The following POU3F3 variants were observed in gnomAD, a reference collection of about 807,000 sequenced individuals.
POU3F3 encodes POU domain, class 3, transcription factor 3.
POU3F3 carries 1 observed loss-of-function variant against 8.6 expected under a neutral mutation model. The observed-to-expected ratio is 0.12, with a 90% CI of 0.04 to 0.55. The LOEUF (loss-of-function observed/expected upper bound fraction) is 0.55, where lower values mean the gene tolerates loss of function less well. Ranked by LOEUF, POU3F3 falls within the 20% of genes least tolerant of loss-of-function variation. POU3F3 has a pLI of 0.91. For synonymous variants in POU3F3, 418 were observed against 327.4 expected (o/e 1.28, Z -2.99); for missense variants, 577 against 690.7 (o/e 0.84, Z 1.84).
chr2:104,890,660 G>A, the POU3F3 span, among the ~76,000 whole-genome samples: 14 of 152,148 alleles, frequency 9.2e-5, no homozygotes, highest in African/African-American at 3.4e-4. Flanking sequence ...CAGTTAAGGT[G>A]GGAGGTGAGG....
chr2:104,888,418 A>G, the POU3F3 span, among the ~76,000 whole-genome samples: 51 of 152,300 alleles, frequency 3.3e-4, no homozygotes, highest in African/African-American at 9.4e-4. Flanking sequence ...AGAGTTTGCC[A>G]TCTCCTCGTT....
chr2:104,908,014 AAGTC>A, the POU3F3 span, among the ~76,000 whole-genome samples: 1 of 152,192 alleles, frequency 6.6e-6, no homozygotes, highest in Non-Finnish European at 1.5e-5. Flanking sequence ...AGGTTTCTAA[AAGTC>A]AGGATTGGAT....
chr2:104,909,993 A>T, the POU3F3 span, among the ~76,000 whole-genome samples: 1 of 152,196 alleles, frequency 6.6e-6, no homozygotes, highest in African/African-American at 2.4e-5. Context: ...ATTGGACATT[A>T]CATAAACAAG....
At chr2:104,866,839 T>G in the POU3F3 span, 1 of 152,260 alleles carries the variant, frequency 6.6e-6, no homozygotes, top group African/African-American at 2.4e-5. Flanking sequence ...TGCCTAGAGC[T>G]GCACGTTGGC....
the POU3F3 span, among the ~76,000 whole-genome samples, chr2:104,873,251 C>G: frequency 6.6e-6 from 1 of 152,190 alleles, no homozygotes; most frequent in East Asian, 1.9e-4. Flanking sequence ...ACCCGCACGT[C>G]CGGGACCCCT....
the POU3F3 span, among the ~76,000 whole-genome samples, chr2:104,891,039 G>A: frequency 0.015 from 2,248 of 152,268 alleles, 31 homozygotes; most frequent in Non-Finnish European, 0.023. Flanking sequence ...TCACTTATCT[G>A]AACCTTGAGG....
At chr2:104,884,922 A>G in the POU3F3 span, among the ~76,000 whole-genome samples, 215 of 152,294 alleles carry the variant, frequency 1.4e-3, no homozygotes, top group African/African-American at 5.0e-3. Context: ...AAACAGAGCC[A>G]CTTAAAGGTG....
the POU3F3 span, among the ~76,000 whole-genome samples, chr2:104,870,382 T>G: frequency 6.6e-6 from 1 of 152,334 alleles, no homozygotes; most frequent in East Asian, 1.9e-4. Flanking sequence ...TTTTCGCTGC[T>G]TAGCAGAGGA....
In POU3F3 at chr2:104,855,493, T is replaced by A; in HGVS notation, c.-18T>A. 1.3e-6 allele frequency: 1 copy of A among 781,408 alleles called. No individual in the cohort carries two copies. The highest frequency in any genetic ancestry group is 1.5e-6 in the Non-Finnish European group (1 of 675,198). The allele number at this position is 781,408 out of a possible 1,614,324, so 48.4% of individuals were successfully genotyped here. ...GGCGGCGGTGGTGGCGGCGGTGGGG[T>A]GGCGGGAGCGGAGCGGCATGGCCAC... On this transcript the variant is annotated 5_prime_UTR_variant, in exon 1 of 1. Transcript: ENST00000361360.
chr2:104,911,870 A>G, the POU3F3 span, among the ~76,000 whole-genome samples: 1 of 152,154 alleles, frequency 6.6e-6, no homozygotes, highest in Non-Finnish European at 1.5e-5. Flanking sequence ...GCTGTAAGTG[A>G]CACAGAAAAG....
At chr2:104,868,081 A>T in the POU3F3 span, 7 of 359,974 alleles carry the variant, frequency 1.9e-5, no homozygotes, top group Admixed American at 3.7e-5. Context: ...GAAGAGTTGA[A>T]ATCAACGCAG....
chr2:104,918,754 T>G, the POU3F3 span, among the ~76,000 whole-genome samples: 1 of 152,016 alleles, frequency 6.6e-6, no homozygotes, highest in Admixed American at 6.5e-5. Flanking sequence ...CTAAGCCACA[T>G]AGTTTGTGGC....
At position 104,855,605 on chromosome 2, in the gene POU3F3, G is replaced by A; in HGVS notation, c.95G>A (p.Gly32Asp). 1.0e-6 allele frequency: 1 copy of A among 972,858 alleles called. No homozygotes were observed. The highest frequency in any genetic ancestry group is 1.2e-6 in the Non-Finnish European group (1 of 824,682). The allele number at this position is 972,858 out of a possible 1,614,324, so 60.3% of individuals were successfully genotyped here. ...VHSDAAGAGG[G>D]GGGGGGGGGG... is the part of the protein sequence containing the mutation. ...TCGGACGCGGCAGGGGCTGGCGGCGGCGGGGGTGGCGGCGGCGGCGGCGGC... is the reference window on the plus strand; with the variant it reads ...TCGGACGCGGCAGGGGCTGGCGGCGACGGGGGTGGCGGCGGCGGCGGCGGC... The change falls in exon 1 of 1, where the codon GGC (glycine) becomes GAC (aspartate). Residue 32 changes from glycine to aspartate, a missense_variant. This residue lies in a region of POU3F3 where 484 missense variants were observed against 422.6 expected (regional missense o/e 1.15). Coordinates refer to ENST00000361360, the MANE Select transcript of POU3F3 (RefSeq NM_006236.3).
chr2:104,874,507 G>A, the POU3F3 span, among the ~76,000 whole-genome samples: 1 of 152,206 alleles, frequency 6.6e-6, no homozygotes, highest in African/African-American at 2.4e-5. Context: ...AGGAGAAGGA[G>A]GAGAGGTGCC....
At position 104,855,725 on chromosome 2, in the gene POU3F3, T is replaced by C. The variant is rs1676546650; in HGVS notation, c.215T>C (p.Met72Thr). The part of the protein sequence containing the change: ...AYRGDPSSVK[M>T]VQSDFMQGAM... The stretch of plus-strand genomic sequence containing the variant: ...CGGGGGGACCCGTCCTCTGTCAAGA[T>C]GGTCCAGAGCGACTTCATGCAGGGG... Residue 72 changes from methionine (M) to threonine (T), a missense_variant, in exon 1 of 1, where the codon ATG (methionine) becomes ACG (threonine). Physicochemically the swap from Met to Thr is moderately conservative, Grantham distance 81 (BLOSUM62 -1). Coordinates refer to ENST00000361360, the MANE Select transcript of POU3F3 (RefSeq NM_006236.3). 1.6e-6 allele frequency: 2 copies of C among 1,270,098 alleles called. No individual in the cohort carries two copies. The highest frequency in any genetic ancestry group is 2.0e-6 in the Non-Finnish European group (2 of 984,032). The allele number at this position is 1,270,098 out of a possible 1,614,324, so 78.7% of individuals were successfully genotyped here.
chr2:104,920,605 A>G, the POU3F3 span, among the ~76,000 whole-genome samples: 2 of 152,162 alleles, frequency 1.3e-5, no homozygotes, highest in Non-Finnish European at 2.9e-5. Context: ...GCATTTTACC[A>G]TACCATAAAA....
the POU3F3 span, among the ~76,000 whole-genome samples, chr2:104,902,137 C>G: frequency 6.6e-6 from 1 of 152,108 alleles, no homozygotes; most frequent in Non-Finnish European, 1.5e-5. Flanking sequence ...CTCGCCCCCT[C>G]TCTCATCACT....
At chr2:104,917,501 G>A in the POU3F3 span, among the ~76,000 whole-genome samples, 2 of 152,254 alleles carry the variant, frequency 1.3e-5, no homozygotes, top group South Asian at 4.1e-4. Flanking sequence ...AAGTCTGAAG[G>A]TAACAGGTTC....
Position 104,855,900 on chromosome 2 carries a change from TG to T in POU3F3, c.392del (p.Gly131AlafsTer19). 9.5e-7 allele frequency: 1 copy of T among 1,058,142 alleles called. No individual in the cohort carries two copies. The highest frequency in any genetic ancestry group is 1.1e-6 in the Non-Finnish European group (1 of 882,316). 65.5% of individuals were successfully genotyped at this position (1,058,142 alleles called of 1,614,324 possible). A position where few individuals can be genotyped will look rare whatever the true frequency, so the allele number is the denominator to read the frequency against. ...GGTCGGGCAGCGCCGTGGGCATGGCTGGCAGCCCCCAGCAGCCACCGCAGCC... is the reference window on the plus strand; with the variant it reads ...GGTCGGGCAGCGCCGTGGGCATGGCTGCAGCCCCCAGCAGCCACCGCAGCC... ...PWSGSAVGMA[G>X]SPQQPPQPPP... On this transcript the variant is annotated frameshift_variant, in exon 1 of 1. Coordinates refer to ENST00000361360, the MANE Select transcript of POU3F3 (RefSeq NM_006236.3). LOFTEE classifies it low-confidence loss of function (END_TRUNC).
Sources: allele counts gnomAD v4.1 joint callset (sites outside exome capture counted in the v4.1 genomes callset), GRCh38; gene constraint gnomAD v4.1.1; regional missense constraint gnomAD v4.1.1; transcripts MANE v1.5; gene names NCBI Gene and HGNC (gene_info 2026-07-23, HGNC 2026-07-21).